Variants in CACNA1D observed in about 807,000 individuals in gnomAD.
CACNA1D encodes voltage-dependent L-type calcium channel subunit alpha-1D.
CACNA1D carries 55 observed loss-of-function variants against 257.1 expected under a neutral mutation model. The observed-to-expected ratio is 0.21, with a 90% CI of 0.17 to 0.27. CACNA1D has a LOEUF of 0.27. Ranked by LOEUF, CACNA1D falls within the 10% of genes least tolerant of loss-of-function variation. The pLI is 1.00. For missense variants in CACNA1D, 1,876 were observed against 2,784.0 expected (o/e 0.67, Z 7.34); for synonymous variants, 980 against 1,014.9 (o/e 0.97, Z 0.65).
chr3:53,791,189 A>C, intron 40 of CACNA1D: 1 of 590,772 alleles, frequency 1.7e-6, no homozygotes, highest in Non-Finnish European at 3.0e-6. Context: ...CGGAAGGTGG[A>C]AGCGGGGCCG....
chr3:53,709,116 T>C (rs1453414885), intron 9 of CACNA1D, among the ~76,000 whole-genome samples: 1 of 152,226 alleles, frequency 6.6e-6, no homozygotes, highest in Non-Finnish European at 1.5e-5. Flanking sequence ...GTTGTGTGGC[T>C]GCACCCAGCA....
intron 25 of CACNA1D, 119 bp from the exon 26 acceptor site, chr3:53,747,183 A>G: frequency 1.4e-6 from 1 of 725,360 alleles, no homozygotes; most frequent in Non-Finnish European, 2.4e-6. Context: ...GCTGTGTGAC[A>G]GGCGGGCGGA....
At chr3:53,667,914 A>C (rs2094284967) in intron 7 of CACNA1D, among the ~76,000 whole-genome samples, 1 of 151,098 alleles carries the variant, frequency 6.6e-6, no homozygotes, top group South Asian at 2.1e-4. Context: ...GGAAGGAGGA[A>C]GGAGATGATA....
chr3:53,727,097 T>C lies in CACNA1D; in HGVS notation c.2221+98T>C. On this transcript the variant is annotated intron_variant, in intron 15 of 47. Coordinates refer to ENST00000350061, the MANE Select transcript of CACNA1D (RefSeq NM_001128840.3). ...CTGTGGTGATGGTGGTGGTAGTAGTTGTGGCAGGGAGGTAAATGCCTTTAC... is the reference window on the plus strand; with the variant it reads ...CTGTGGTGATGGTGGTGGTAGTAGTCGTGGCAGGGAGGTAAATGCCTTTAC... The C allele has an allele frequency of 2.1e-6, 3 of 1,424,938 alleles. No individual in the cohort carries two copies. In the South Asian group the frequency reaches 3.4e-5, roughly 16 times the overall value. The allele number at this position is 1,424,938 out of a possible 1,614,324, so 88.3% of individuals were successfully genotyped here.
chr3:53,730,646 C>T (rs371806448), intron 16 of CACNA1D, 90 bp downstream of exon 16: 15 of 971,580 alleles, frequency 1.5e-5, no homozygotes, highest in African/African-American at 6.5e-5. Flanking sequence ...CCCCGCATCA[C>T]GGCAGCTGCA....
chr3:53,769,604 G>A (rs1317416218), intron 30 of CACNA1D, among the ~76,000 whole-genome samples: 4 of 152,350 alleles, frequency 2.6e-5, no homozygotes, highest in Non-Finnish European at 4.4e-5. Flanking sequence ...GAGGCCTGCT[G>A]CAGAGCGGTT....
intron 19 of CACNA1D, 62 bp from the exon 20 acceptor site, chr3:53,735,310 CTT>C: frequency 1.3e-6 from 2 of 1,526,226 alleles, no homozygotes; most frequent in Non-Finnish European, 1.8e-6. Flanking sequence ...GCCCCACACT[CTT>C]AAGGACCCAG....
intron 3 of CACNA1D, among the ~76,000 whole-genome samples, chr3:53,583,222 A>G (rs575445921): frequency 1.4e-5 from 2 of 139,138 alleles, no homozygotes; most frequent in East Asian, 4.3e-4. Context: ...CTGACTTGCA[A>G]TAGAGTGGAT....
At chr3:53,733,241 C>T (rs1229205234) in intron 19 of CACNA1D, among the ~76,000 whole-genome samples, 1 of 152,222 alleles carries the variant, frequency 6.6e-6, no homozygotes, top group Non-Finnish European at 1.5e-5. Context: ...TTCACCCCTG[C>T]ATGGGGACAG....
At chr3:53,651,016 G>A in intron 4 of CACNA1D, 98 bp downstream of exon 4, 1 of 1,157,626 alleles carries the variant, frequency 8.6e-7, no homozygotes, top group Non-Finnish European at 1.3e-6. Flanking sequence ...AGGGAATGTG[G>A]TTGCTCTTTT....
In CACNA1D at chr3:53,774,613, TAAC is replaced by T. The variant is rs756345223; in HGVS notation, c.4141_4143del (p.Asn1381del). ...TGTTTGGGAAAGTTGCCATGAGAGA[TAAC>T]AACCAGATCAATAGGAACAATAACT... is the stretch of plus-strand genomic sequence containing the variant. On this transcript the variant is annotated inframe_deletion, in exon 34 of 48. Coordinates refer to ENST00000350061, the MANE Select transcript of CACNA1D (RefSeq NM_001128840.3). The surrounding 1 kb of genome is among the most constrained non-coding windows in gnomAD (Gnocchi z 4.3). 1 of 1,610,938 alleles carries T rather than the reference TAAC, an allele frequency of 6.2e-7. No individual in the cohort carries two copies. The highest frequency in any genetic ancestry group is 1.3e-5 in the African/African-American group (1 of 74,836).
intron 26 of CACNA1D, 124 bp from the exon 27 acceptor site, chr3:53,749,144 G>C: frequency 1.4e-6 from 1 of 734,034 alleles, no homozygotes. Flanking sequence ...CAGCAGCCTT[G>C]GGGTGGGTTC....
In CACNA1D at chr3:53,505,399, G is replaced by A. The variant is rs1467649013; in HGVS notation, c.483+3679G>A. Among the ~76,000 whole-genome samples, 4 of 152,244 alleles carry A rather than the reference G, an allele frequency of 2.6e-5. No homozygotes were observed. The East Asian group carries it at 5.8e-4, about 22-fold the overall frequency. ...GCTGGAATTACAGGCTTGAGCCACC[G>A]CGCCTGGCCTATATGCACATCTTTA... On this transcript the variant is annotated intron_variant, in intron 3 of 47. Coordinates refer to ENST00000350061, the MANE Select transcript of CACNA1D (RefSeq NM_001128840.3).
chr3:53,773,036 A>T, intron 33 of CACNA1D, 138 bp downstream of exon 33: 2 of 772,346 alleles, frequency 2.6e-6, no homozygotes, highest in Non-Finnish European at 4.5e-6. Flanking sequence ...TAGGAAGATG[A>T]GAAAGACAAA....
At chr3:53,502,993 A>G (rs978685316) in intron 3 of CACNA1D, among the ~76,000 whole-genome samples, 3 of 152,210 alleles carry the variant, frequency 2.0e-5, no homozygotes, top group African/African-American at 7.2e-5. Flanking sequence ...AGGCAAACAC[A>G]CTAGGCTCTC....
chr3:53,686,849 A>T lies in CACNA1D; in HGVS notation c.1220+13723A>T, dbSNP rs183692819. ...CAGAAAGATTGGAAAGAAAGAAAAA[A>T]CTATTTCTATTTACAGACATAATTG... On this transcript the variant is annotated intron_variant, in intron 8 of 47. Transcript: ENST00000350061. Among the ~76,000 whole-genome samples the T allele has an allele frequency of 4.6e-3, 701 of 152,210 alleles. 23 individuals are homozygous for T. The highest frequency in any genetic ancestry group is 0.043 in the Admixed American group (661 of 15,294).
At chr3:53,505,985 A>G (rs2090829136) in intron 3 of CACNA1D, among the ~76,000 whole-genome samples, 2 of 152,180 alleles carry the variant, frequency 1.3e-5, no homozygotes, top group Non-Finnish European at 2.9e-5. Context: ...AGTCCGTTGT[A>G]TCTGCATGGT....
intron 3 of CACNA1D, among the ~76,000 whole-genome samples, chr3:53,608,883 T>A (rs192527282): frequency 2.6e-4 from 39 of 152,372 alleles, no homozygotes; most frequent in Admixed American, 2.6e-4. Flanking sequence ...TTTAATTTGC[T>A]GTTATTTTGT....
At chr3:53,497,130 T>C (rs1325660057) in intron 1 of CACNA1D, 22 bp from the exon 2 acceptor site, 1 of 1,609,352 alleles carries the variant, frequency 6.2e-7, no homozygotes, top group Admixed American at 1.7e-5. Flanking sequence ...AAAAAAATCT[T>C]TGTTTTTCTC....
Sources: allele counts gnomAD v4.1 joint callset (sites outside exome capture counted in the v4.1 genomes callset), GRCh38; gene constraint gnomAD v4.1.1; non-coding constraint Gnocchi (gnomAD v3.1); transcripts MANE v1.5; gene names NCBI Gene and HGNC (gene_info 2026-07-23, HGNC 2026-07-21).